LRP6: variants seen among roughly 807,000 people sequenced by gnomAD.
LRP6 encodes LDL receptor related protein 6.
Under a neutral mutation model 184.1 loss-of-function variants are expected in LRP6, and 43 were observed. The ratio of observed to expected loss-of-function variants is 0.23; its 90% CI spans 0.18 to 0.30. The LOEUF is 0.30. Ranked by LOEUF, LRP6 falls within the 10% of genes least tolerant of loss-of-function variation. The probability of loss-of-function intolerance (pLI) is 1.00; values close to 1 mark genes in which losing one functional copy is unlikely to be tolerated. For missense variants in LRP6, 1,571 were observed against 2,005.3 expected, an observed-to-expected ratio of 0.78 and a Z score of 4.14; for synonymous variants, 719 against 684.9, an observed-to-expected ratio of 1.05 and a Z score of -0.78.
At position 12,216,712 on chromosome 12, in the gene LRP6, A is replaced by G. The variant is rs1864357149; in HGVS notation, c.450-13312T>C. Among the ~76,000 whole-genome samples, 6 of 152,062 alleles carry G rather than the reference A, an allele frequency of 3.9e-5. No homozygotes were observed. The South Asian group carries it at 1.0e-3, about 26-fold the overall frequency. On this transcript the variant is annotated intron_variant, in intron 2 of 22. Transcript: ENST00000261349. Reference sequence around the variant, plus strand: ...TTAAAGGTTGTTTTCTCAAGCCCCAATAAAACTAACGGATAATCCAAACAG... The same window carrying G: ...TTAAAGGTTGTTTTCTCAAGCCCCAGTAAAACTAACGGATAATCCAAACAG...
chr12:12,207,930 C>T (rs950872011), intron 2 of LRP6, among the ~76,000 whole-genome samples: 1 of 152,090 alleles, frequency 6.6e-6, no homozygotes, highest in Non-Finnish European at 1.5e-5. Flanking sequence ...GGCAATCCCC[C>T]AGAAAGCCAG....
At chr12:12,179,319 A>G (rs1863274207) in intron 7 of LRP6, among the ~76,000 whole-genome samples, 1 of 152,044 alleles carries the variant, frequency 6.6e-6, no homozygotes, top group Admixed American at 6.6e-5. Flanking sequence ...ATAATATTTA[A>G]TATATTCTAC....
chr12:12,187,074 C>A lies in LRP6; in HGVS notation c.693G>T (p.Thr231=), dbSNP rs746632115. The change falls in exon 4 of 23, where the codon ACG becomes ACT. Residue 231 remains threonine (T), a synonymous_variant. Coordinates refer to ENST00000261349, the MANE Select transcript of LRP6 (RefSeq NM_002336.3). ...KGSLPHPFAL[T]LFEDILYWTD... ...TCCAGTACAATATGTCCTCAAATAA[C>A]GTCAAGGCAAAAGGATGTGGAAGGG... 7 of 1,614,108 alleles carry A rather than the reference C, an allele frequency of 4.3e-6. No individual in the cohort carries two copies. The South Asian group carries it at 7.7e-5, about 18-fold the overall frequency.
At position 12,181,032 on chromosome 12, in the gene LRP6, G is replaced by C. The variant is rs1189328956; in HGVS notation, c.1373+11C>G. ...CACCACACAGAATTTACTATCAGTA[G>C]AGCTTCTTACCCAACCATGGGATCT... On this transcript the variant is annotated intron_variant, in intron 6 of 22. Transcript: ENST00000261349. The C allele has an allele frequency of 6.2e-7, 1 of 1,613,888 alleles. No homozygotes were observed. The highest frequency in any genetic ancestry group is 8.5e-7 in the Non-Finnish European group (1 of 1,179,902).
At chr12:12,134,733 T>G (rs956937640) in intron 17 of LRP6, among the ~76,000 whole-genome samples, 1 of 152,180 alleles carries the variant, frequency 6.6e-6, no homozygotes, top group Non-Finnish European at 1.5e-5. Context: ...ATTCATTTTT[T>G]TACCTTTTGG....
intron 2 of LRP6, among the ~76,000 whole-genome samples, chr12:12,239,114 A>G (rs1469553186): frequency 6.6e-6 from 1 of 152,178 alleles, no homozygotes; most frequent in African/African-American, 2.4e-5. Flanking sequence ...GATCCTTAAG[A>G]TTCCCTTCCA....
intron 16 of LRP6, among the ~76,000 whole-genome samples, chr12:12,137,762 A>C (rs1448768161): frequency 6.6e-6 from 1 of 152,154 alleles, no homozygotes; most frequent in Non-Finnish European, 1.5e-5. Flanking sequence ...TTGTACCAGG[A>C]AATATTCTTT....
intron 2 of LRP6, among the ~76,000 whole-genome samples, chr12:12,205,241 C>T (rs1292845267): frequency 1.4e-5 from 2 of 145,298 alleles, no homozygotes; most frequent in East Asian, 2.0e-4. Context: ...CGCTTGAATC[C>T]AGGAGGCGGA....
intron 12 of LRP6, 80 bp from the exon 13 acceptor site, chr12:12,151,118 T>C: frequency 8.1e-7 from 1 of 1,229,716 alleles, no homozygotes; most frequent in South Asian, 1.3e-5. Context: ...CAGCCTGTTG[T>C]ATGTATTTCA....
intron 19 of LRP6, among the ~76,000 whole-genome samples, chr12:12,130,108 C>A (rs1170699639): frequency 6.6e-6 from 1 of 152,000 alleles, no homozygotes; most frequent in African/African-American, 2.4e-5. Flanking sequence ...AGATGAAGAC[C>A]TGTAATTCCA....
chr12:12,122,678 A>G (rs1949620813), intron 22 of LRP6, among the ~76,000 whole-genome samples: 1 of 152,130 alleles, frequency 6.6e-6, no homozygotes, highest in Non-Finnish European at 1.5e-5. Flanking sequence ...AAAAATAAAA[A>G]AAAGCTAGCC....
At chr12:12,253,032 T>C (rs1237207094) in intron 1 of LRP6, among the ~76,000 whole-genome samples, 5 of 152,130 alleles carry the variant, frequency 3.3e-5, no homozygotes, top group Non-Finnish European at 5.9e-5. Context: ...GGGGGGCTGA[T>C]GCAGGTTGAT....
chr12:12,132,652 GCA>G (rs771772384), intron 17 of LRP6, among the ~76,000 whole-genome samples: 1 of 152,076 alleles, frequency 6.6e-6, no homozygotes, highest in Non-Finnish European at 1.5e-5. Context: ...AGCCACATGT[GCA>G]CAGTTTAAAC....
intron 6 of LRP6, among the ~76,000 whole-genome samples, chr12:12,180,830 A>G (rs1863326491): frequency 6.6e-6 from 1 of 152,216 alleles, no homozygotes; most frequent in African/African-American, 2.4e-5. Flanking sequence ...GACTTAATTT[A>G]GAAAGAAAAA....
chr12:12,129,634 C>A (rs1949719287), intron 19 of LRP6, among the ~76,000 whole-genome samples: 1 of 152,026 alleles, frequency 6.6e-6, no homozygotes, highest in Non-Finnish European at 1.5e-5. Flanking sequence ...CTCACTGCAA[C>A]CTCCACCTCC....
chr12:12,247,930 T>C (rs950788498), intron 1 of LRP6, among the ~76,000 whole-genome samples: 9 of 152,228 alleles, frequency 5.9e-5, no homozygotes, highest in Admixed American at 3.3e-4. Context: ...AAACTTTCTC[T>C]ACCAGCCTTT....
intron 16 of LRP6, among the ~76,000 whole-genome samples, chr12:12,137,527 T>C (rs1358731165): frequency 1.3e-5 from 2 of 152,222 alleles, no homozygotes; most frequent in African/African-American, 4.8e-5. Flanking sequence ...AAGCACCTAC[T>C]AATTAAACAG....
chr12:12,180,002 T>A, intron 6 of LRP6, 21 bp from the exon 7 acceptor site: 1 of 1,603,820 alleles, frequency 6.2e-7, no homozygotes, highest in Non-Finnish European at 8.5e-7. Flanking sequence ...ATACAAAAAA[T>A]GAGCTAAAAA....
At position 12,230,312 on chromosome 12, in the gene LRP6, T is replaced by G. The variant is rs138835155; in HGVS notation, c.449+13950A>C. Among the ~76,000 whole-genome samples, 353 of 152,344 alleles carry G rather than the reference T, an allele frequency of 2.3e-3. 1 individual carries two copies. Among genetic ancestry groups the G allele is most frequent in the African/African-American group, 8.2e-3 (342 of 41,584 alleles). ...ATCCAAAGCATTTAATTTATTTGAT[T>G]AGGTAAGGATAAAACAACAAATCTT... is the stretch of plus-strand genomic sequence containing the variant. On this transcript the variant is annotated intron_variant, in intron 2 of 22. Transcript: ENST00000261349.
Sources: allele counts gnomAD v4.1 joint callset (sites outside exome capture counted in the v4.1 genomes callset), GRCh38; gene constraint gnomAD v4.1.1; transcripts MANE v1.5; gene names NCBI Gene and HGNC (gene_info 2026-07-23, HGNC 2026-07-21).